The following GASK1A variants were observed in gnomAD, a reference collection of about 807,000 sequenced individuals.
GASK1A encodes the protein Golgi-associated kinase 1A.
In GASK1A, 40 loss-of-function variants were observed where a neutral mutation model predicts 41.2. That is an observed-to-expected ratio of 0.97 (90% CI 0.75 to 1.27). The LOEUF (loss-of-function observed/expected upper bound fraction) is 1.27, where lower values mean the gene tolerates loss of function less well. GASK1A is among the 50% of genes most tolerant of loss of function. The pLI is 0.00. For missense variants in GASK1A, 678 were observed against 745.1 expected, an observed-to-expected ratio of 0.91 and a Z score of 1.05; for synonymous variants, 316 against 307.1, an observed-to-expected ratio of 1.03 and a Z score of -0.30.
At chr3:43,019,031 GGAT>G (rs1332030599) in intron 1 of GASK1A, among the ~76,000 whole-genome samples, 5 of 152,194 alleles carry the variant, frequency 3.3e-5, no homozygotes. Flanking sequence ...TGTAAAATAA[GGAT>G]GATAACAGTA....
In GASK1A at chr3:43,032,773, G is replaced by A. The variant is rs2089583957; in HGVS notation, c.510G>A (p.Leu170=). The A allele has an allele frequency of 6.4e-7, 1 of 1,550,932 alleles. No individual in the cohort carries two copies. The highest frequency in any genetic ancestry group is 8.7e-7 in the Non-Finnish European group (1 of 1,147,010). The change falls in exon 2 of 5, where the codon CTG becomes CTA. Residue 170 remains leucine, a synonymous_variant. Transcript: ENST00000430121. ...AGACACAGAGTGAGGTGGTCACCCT[G>A]GTCAGTCCACTCCCAGGGAGTGACA... ...IQETQSEVVT[L]VSPLPGSDMA...
intron 1 of GASK1A, among the ~76,000 whole-genome samples, chr3:43,020,771 G>A (rs533621862): frequency 2.4e-4 from 36 of 152,218 alleles, no homozygotes; most frequent in Non-Finnish European, 4.6e-4. Flanking sequence ...CCTGGGGCAA[G>A]CTCTTCTCAC....
chr3:42,988,744 G>A (rs2089325806), intron 1 of GASK1A, among the ~76,000 whole-genome samples: 1 of 152,238 alleles, frequency 6.6e-6, no homozygotes, highest in Non-Finnish European at 1.5e-5. Flanking sequence ...GAGCAGTGCT[G>A]TTTTCTGCTG....
At chr3:43,007,268 A>G (rs909447759) in intron 1 of GASK1A, among the ~76,000 whole-genome samples, 3 of 152,280 alleles carry the variant, frequency 2.0e-5, no homozygotes, top group Admixed American at 2.0e-4. Context: ...GGCCCTTGCA[A>G]TATTTCAATG....
chr3:42,988,866 A>G (rs1022441214), intron 1 of GASK1A, among the ~76,000 whole-genome samples: 2 of 152,214 alleles, frequency 1.3e-5, no homozygotes, highest in African/African-American at 4.8e-5. Context: ...TCAGCAGGAC[A>G]AACCCAATGG....
In GASK1A at chr3:42,984,848, T is replaced by C. The variant is rs2089300837; in HGVS notation, c.3+5203T>C. On this transcript the variant is annotated intron_variant, in intron 1 of 4. Transcript: ENST00000430121. The surrounding 1 kb of genome is among the most constrained non-coding windows in gnomAD (Gnocchi z 4.2). ...GTCTCCGTGACTTGCTTTGGTGCCTTATCTACCAGGGAGTTGAGCTAGCAC... is the reference window on the plus strand; with the variant it reads ...GTCTCCGTGACTTGCTTTGGTGCCTCATCTACCAGGGAGTTGAGCTAGCAC... 6.6e-6 allele frequency among the ~76,000 whole-genome samples: 1 copy of C among 152,140 alleles called. No homozygotes were observed. Among genetic ancestry groups the C allele is most frequent in the Admixed American group, 6.5e-5 (1 of 15,282 alleles).
At chr3:43,007,770 C>T (rs1575439582) in intron 1 of GASK1A, among the ~76,000 whole-genome samples, 1 of 152,342 alleles carries the variant, frequency 6.6e-6, no homozygotes, top group Non-Finnish European at 1.5e-5. Flanking sequence ...AAGAGAATAG[C>T]AGGTGCTTAG....
intron 2 of GASK1A, among the ~76,000 whole-genome samples, chr3:43,040,892 A>G: frequency 9.7e-6 from 1 of 103,038 alleles, no homozygotes; most frequent in Non-Finnish European, 2.2e-5. Flanking sequence ...CCGCCACAAC[A>G]GTCCGCAGAG....
chr3:43,022,177 T>C (rs2089525722), intron 1 of GASK1A, among the ~76,000 whole-genome samples: 1 of 152,228 alleles, frequency 6.6e-6, no homozygotes, highest in Non-Finnish European at 1.5e-5. Context: ...TAATGTACTC[T>C]TTATTATTCA....
At position 42,979,581 on chromosome 3, in the gene GASK1A, G is replaced by T; in HGVS notation, c.-62G>T. On this transcript the variant is annotated 5_prime_UTR_variant, in exon 1 of 5. Transcript: ENST00000430121. ...CGGCGCCGGGGGCGGCCAAGGGGAG[G>T]CGGGATGAGTCTGCGAGCCGGCTGA... 8.1e-7 allele frequency: 1 copy of T among 1,238,882 alleles called. No homozygotes were observed. The highest frequency in any genetic ancestry group is 1.0e-6 in the Non-Finnish European group (1 of 987,438). The allele number at this position is 1,238,882 out of a possible 1,614,324, so 76.7% of individuals were successfully genotyped here.
chr3:43,029,143 A>C (rs2089562201), intron 1 of GASK1A, among the ~76,000 whole-genome samples: 1 of 152,020 alleles, frequency 6.6e-6, no homozygotes, highest in Non-Finnish European at 1.5e-5. Flanking sequence ...CTTCAGGTGG[A>C]TGGAAAGTAT....
chr3:43,018,939 C>T (rs1293432996), intron 1 of GASK1A, among the ~76,000 whole-genome samples: 4 of 152,326 alleles, frequency 2.6e-5, no homozygotes, highest in Non-Finnish European at 5.9e-5. Flanking sequence ...GCCAGACTGC[C>T]TGGGTTCGTG....
At chr3:43,049,242 C>A (rs965803960) in intron 2 of GASK1A, among the ~76,000 whole-genome samples, 5 of 152,158 alleles carry the variant, frequency 3.3e-5, no homozygotes, top group Admixed American at 2.6e-4. Flanking sequence ...CTGCAACTTA[C>A]TTTGAAATGC....
At position 43,056,662 on chromosome 3, in the gene GASK1A, T is replaced by C. The variant is rs893050249; in HGVS notation, c.*276T>C. 19 of 337,396 alleles carry C rather than the reference T, an allele frequency of 5.6e-5. No homozygotes were observed. The highest frequency in any genetic ancestry group is 2.7e-4 in the African/African-American group (13 of 48,956). 20.9% of individuals were successfully genotyped at this position (337,396 alleles called of 1,614,324 possible). On this transcript the variant is annotated 3_prime_UTR_variant, in exon 5 of 5. Transcript: ENST00000430121. ...CTCAAGAAACTGTAAAAATGTGTGA[T>C]GCACGTGCATATGCAGAGTGGGAGA...
At chr3:43,029,357 G>A (rs2125685498) in intron 1 of GASK1A, among the ~76,000 whole-genome samples, 1 of 152,250 alleles carries the variant, frequency 6.6e-6, no homozygotes, top group Non-Finnish European at 1.5e-5. Context: ...GGCCTACACT[G>A]ACTTACTGGG....
At chr3:43,014,506 G>T (rs2089480224) in intron 1 of GASK1A, among the ~76,000 whole-genome samples, 1 of 151,576 alleles carries the variant, frequency 6.6e-6, no homozygotes, top group Admixed American at 6.6e-5. Context: ...AAAAGGAGGG[G>T]CATTGTGCAG....
chr3:43,048,702 A>T (rs2089675116), intron 2 of GASK1A, among the ~76,000 whole-genome samples: 1 of 152,180 alleles, frequency 6.6e-6, no homozygotes, highest in Non-Finnish European at 1.5e-5. Flanking sequence ...TCCTGGAGGC[A>T]TTTATTTTCC....
chr3:43,044,589 A>G (rs933665111), intron 2 of GASK1A, among the ~76,000 whole-genome samples: 1 of 152,216 alleles, frequency 6.6e-6, no homozygotes, highest in African/African-American at 2.4e-5. Context: ...CTCAATTCGC[A>G]TAGCCAGGAC....
At chr3:42,995,646 G>A (rs974022033) in intron 1 of GASK1A, among the ~76,000 whole-genome samples, 1 of 150,376 alleles carries the variant, frequency 6.6e-6, no homozygotes, top group Non-Finnish European at 1.5e-5. Context: ...ATTCTGTCCT[G>A]AAGTGTTCCT....
Sources: allele counts gnomAD v4.1 joint callset (sites outside exome capture counted in the v4.1 genomes callset), GRCh38; gene constraint gnomAD v4.1.1; non-coding constraint Gnocchi (gnomAD v3.1); transcripts MANE v1.5; gene names NCBI Gene and HGNC (gene_info 2026-07-23, HGNC 2026-07-21).